The following RNF150 variants were observed in gnomAD, a reference collection of about 807,000 sequenced individuals.
The protein encoded by RNF150 is ring finger protein 150.
A neutral mutation model predicts 39.3 loss-of-function variants in RNF150; 24 were observed. The observed-to-expected ratio is 0.61, with a 90% CI of 0.44 to 0.86. The LOEUF is 0.86. Ranked by LOEUF, RNF150 falls within the 40% of genes least tolerant of loss-of-function variation. RNF150 has a pLI of 0.00. For synonymous variants in RNF150, 255 were observed against 227.3 expected, an observed-to-expected ratio of 1.12 and a Z score of -1.10; for missense variants, 502 against 587.8, an observed-to-expected ratio of 0.85 and a Z score of 1.51.
chr4:141,133,764 C>A (rs1407297311), upstream of RNF150, among the ~76,000 whole-genome samples: 1 of 152,118 alleles, frequency 6.6e-6, no homozygotes. Context: ...CTGCCGTGAG[C>A]TCCCTGATTA....
chr4:141,029,716 G>A (rs114735309), intron 1 of RNF150, among the ~76,000 whole-genome samples: 7,102 of 152,204 alleles, frequency 0.047, 219 homozygotes, highest in Middle Eastern at 0.088. Context: ...AGTCCTATTG[G>A]TTAACAGAGT....
At chr4:141,117,651 C>T (rs1420300269) in intron 1 of RNF150, among the ~76,000 whole-genome samples, 1 of 152,190 alleles carries the variant, frequency 6.6e-6, no homozygotes, top group Non-Finnish European at 1.5e-5. Flanking sequence ...CATCATTAAG[C>T]AATGCATGAC....
intron 1 of RNF150, among the ~76,000 whole-genome samples, chr4:141,126,691 A>T (rs764715226): frequency 1.3e-5 from 2 of 152,190 alleles, no homozygotes; most frequent in Non-Finnish European, 2.9e-5. Context: ...TGCAGGCCCC[A>T]GTTACTGGGT....
chr4:141,106,326 A>T (rs1739194275), intron 1 of RNF150, among the ~76,000 whole-genome samples: 2 of 152,168 alleles, frequency 1.3e-5, no homozygotes, highest in Non-Finnish European at 1.5e-5. Flanking sequence ...GATTTCACAC[A>T]CCTGGTACAT....
chr4:140,969,696 T>G lies in RNF150; in HGVS notation c.485-1823A>C, dbSNP rs181355210. ...AGCTCTAGAAGTACATTTTTTTTTT[T>G]GGGACAGGATCTTGGGGTTATTTAT... On this transcript the variant is annotated intron_variant, in intron 1 of 6. Transcript: ENST00000515673. Among the ~76,000 whole-genome samples, 463 of 151,480 alleles carry G rather than the reference T, an allele frequency of 3.1e-3. 2 individuals are homozygous for G. The highest frequency in any genetic ancestry group is 9.6e-3 in the African/African-American group (397 of 41,362).
At chr4:140,890,613 GGACACA>G (rs1167304593) in intron 6 of RNF150, among the ~76,000 whole-genome samples, 1 of 152,170 alleles carries the variant, frequency 6.6e-6, no homozygotes, top group Non-Finnish European at 1.5e-5. Flanking sequence ...TCACCACTGA[GGACACA>G]GAGAGACAGC....
At chr4:141,197,689 T>C in intron 1 of RNF150, among the ~76,000 whole-genome samples, 1 of 151,918 alleles carries the variant, frequency 6.6e-6, no homozygotes, top group Non-Finnish European at 1.5e-5. Flanking sequence ...CCATCCTGGC[T>C]AACATGGTGA....
chr4:141,091,375 G>T (rs527924221), intron 1 of RNF150, among the ~76,000 whole-genome samples: 2 of 151,956 alleles, frequency 1.3e-5, no homozygotes, highest in Non-Finnish European at 2.9e-5. Context: ...TTTTCTTTAC[G>T]TTAAAAAAAA....
intron 1 of RNF150, among the ~76,000 whole-genome samples, chr4:141,033,174 A>G (rs371672445): frequency 4.4e-4 from 67 of 152,308 alleles, no homozygotes; most frequent in East Asian, 3.1e-3. Context: ...AAGTCTTTCC[A>G]CTGCTTTATT....
At chr4:141,181,588 A>G (rs1727910590) in intron 1 of RNF150, among the ~76,000 whole-genome samples, 1 of 152,176 alleles carries the variant, frequency 6.6e-6, no homozygotes, top group African/African-American at 2.4e-5. Context: ...AGACATTCCT[A>G]CTGACTTACT....
At chr4:141,194,329 A>T (rs1728162193) in intron 1 of RNF150, among the ~76,000 whole-genome samples, 1 of 152,242 alleles carries the variant, frequency 6.6e-6, no homozygotes, top group Admixed American at 6.5e-5. Context: ...AGGACAAAGG[A>T]TTATAAACTT....
chr4:141,167,691 GA>G (rs1276382660), intron 1 of RNF150, among the ~76,000 whole-genome samples: 2 of 152,074 alleles, frequency 1.3e-5, no homozygotes, highest in Non-Finnish European at 2.9e-5. Context: ...AAACAATGGG[GA>G]AAAAATTCCC....
chr4:141,017,953 CT>C (rs1735342719), intron 1 of RNF150, among the ~76,000 whole-genome samples: 1 of 152,170 alleles, frequency 6.6e-6, no homozygotes, highest in Non-Finnish European at 1.5e-5. Context: ...AATAAAGCTG[CT>C]GTAAACATCT....
rs1726953001 is a variant in RNF150 at position 141,133,132 on chromosome 4, T to G, written c.-324A>C. The G allele has an allele frequency of 3.3e-6, 1 of 305,402 alleles. No homozygotes were observed. The highest frequency in any genetic ancestry group is 6.1e-6 in the Non-Finnish European group (1 of 163,206). The allele number at this position is 305,402 out of a possible 1,614,324, so 18.9% of individuals were successfully genotyped here. A position where few individuals can be genotyped will look rare whatever the true frequency, so the allele number is the denominator to read the frequency against. On this transcript the variant is annotated 5_prime_UTR_variant, in exon 1 of 7. Transcript: ENST00000515673. ...CCTGCTCCTTCGCCCGGCTTCGCCT[T>G]CTCTCATAAGGGTGGCCGGGGGCCC...
intron 1 of RNF150, among the ~76,000 whole-genome samples, chr4:141,204,967 C>T (rs1728351126): frequency 6.6e-6 from 1 of 152,116 alleles, no homozygotes; most frequent in East Asian, 1.9e-4. Context: ...TCTATAAATG[C>T]ATGCCTTGAG....
chr4:140,966,039 A>G (rs1180221014), intron 2 of RNF150, among the ~76,000 whole-genome samples: 1 of 152,026 alleles, frequency 6.6e-6, no homozygotes, highest in Non-Finnish European at 1.5e-5. Context: ...TTATTTTTTT[A>G]AAAAAGATTA....
chr4:141,167,317 C>G (rs200341572), intron 1 of RNF150, among the ~76,000 whole-genome samples: 1 of 42,458 alleles, frequency 2.4e-5, no homozygotes, highest in Non-Finnish European at 5.7e-5. Context: ...AGTGGAAAAA[C>G]AGTCCATGCT....
At chr4:141,082,642 G>A (rs1738201620) in intron 1 of RNF150, among the ~76,000 whole-genome samples, 1 of 151,334 alleles carries the variant, frequency 6.6e-6, no homozygotes, top group Non-Finnish European at 1.5e-5. Flanking sequence ...AGGCTGGAGT[G>A]CAGTGGCGGG....
At chr4:141,155,252 A>ATTTTTTTTTTT (rs70946798) in intron 1 of RNF150, among the ~76,000 whole-genome samples, 16 of 126,364 alleles carry the variant, frequency 1.3e-4, no homozygotes, top group East Asian at 2.3e-4. Flanking sequence ...CACCCGGCTG[A>ATTTTTTTTTTT]TTTTTTTTTT....
Sources: allele counts gnomAD v4.1 joint callset (sites outside exome capture counted in the v4.1 genomes callset), GRCh38; gene constraint gnomAD v4.1.1; transcripts MANE v1.5; gene names NCBI Gene and HGNC (gene_info 2026-07-23, HGNC 2026-07-21).